Variants in PRDM6 observed in about 807,000 individuals in gnomAD.
PRDM6 encodes the protein PR/SET domain 6.
PRDM6 carries 25 observed loss-of-function variants against 60.8 expected under a neutral mutation model. The observed-to-expected ratio is 0.41, with a 90% CI of 0.30 to 0.57. The LOEUF is 0.57. PRDM6 is among the 20% of genes least tolerant of loss of function. The pLI, the probability that PRDM6 is intolerant of heterozygous loss-of-function variation, is 0.27. For synonymous variants in PRDM6, 407 were observed against 357.4 expected (o/e 1.14, Z -1.57); for missense variants, 839 against 821.3 (o/e 1.02, Z -0.26).
At chr5:123,114,445 AC>A (rs1273909747) in intron 3 of PRDM6, among the ~76,000 whole-genome samples, 1 of 152,174 alleles carries the variant, frequency 6.6e-6, no homozygotes, top group Non-Finnish European at 1.5e-5. Context: ...CCAGGTCTTC[AC>A]CACCCTTTCC....
intron 2 of PRDM6, among the ~76,000 whole-genome samples, chr5:123,094,557 A>G (rs1295780085): frequency 6.6e-6 from 1 of 152,104 alleles, no homozygotes; most frequent in Non-Finnish European, 1.5e-5. Flanking sequence ...ACAGCCATAT[A>G]TTAGATTGAG....
intron 6 of PRDM6, 61 bp from the exon 7 acceptor site, chr5:123,180,086 T>C: frequency 6.9e-7 from 1 of 1,445,446 alleles, no homozygotes; most frequent in Non-Finnish European, 9.2e-7. Context: ...TGTCATATGA[T>C]TCTGACTTCC....
In PRDM6 at chr5:123,174,810, A is replaced by T. The variant is rs576258409; in HGVS notation, c.1496+3702A>T. On this transcript the variant is annotated intron_variant, in intron 6 of 7. Transcript: ENST00000407847. ...AATCTGTCTGACCTGGCAAAGTAGA[A>T]ATCAGCACTAAAGACAAAAAACACA... is the stretch of plus-strand genomic sequence containing the variant. Among the ~76,000 whole-genome samples, 5 of 152,330 alleles carry T rather than the reference A, an allele frequency of 3.3e-5. No homozygotes were observed. The East Asian group carries it at 9.6e-4, about 29-fold the overall frequency.
chr5:123,146,084 T>G (rs1356747553), intron 3 of PRDM6, among the ~76,000 whole-genome samples: 1 of 152,222 alleles, frequency 6.6e-6, no homozygotes, highest in Non-Finnish European at 1.5e-5. Context: ...CTTAATACTT[T>G]GTAAGTATTT....
Position 123,090,311 on chromosome 5 carries a change from G to T in PRDM6, c.297G>T (p.Ala99=), listed in dbSNP as rs564271388. 7 of 1,373,408 alleles carry T rather than the reference G, an allele frequency of 5.1e-6. No homozygotes were observed. Among genetic ancestry groups the T allele is most frequent in the Non-Finnish European group, 6.7e-6 (7 of 1,041,978 alleles). 85.1% of individuals were successfully genotyped at this position (1,373,408 alleles called of 1,614,324 possible). ...CCTCCGCCTCCTCCTGCGCTGCTGCGGCCGCTGCCGCCGCGCTGGCTGGTC... is the reference window on the plus strand; with the variant it reads ...CCTCCGCCTCCTCCTGCGCTGCTGCTGCCGCTGCCGCCGCGCTGGCTGGTC... ...SASSASSCAA[A]AAAAALAGLS... Residue 99 remains alanine (A), a synonymous_variant, in exon 2 of 8, where the codon GCG becomes GCT. Coordinates refer to ENST00000407847, the MANE Select transcript of PRDM6 (RefSeq NM_001136239.4).
At chr5:123,146,762 A>T (rs1765248996) in intron 3 of PRDM6, among the ~76,000 whole-genome samples, 1 of 152,194 alleles carries the variant, frequency 6.6e-6, no homozygotes, top group South Asian at 2.1e-4. Context: ...CCATCTCAGC[A>T]AAAGTGTATA....
chr5:123,183,401 T>C (rs140984883), intron 7 of PRDM6, among the ~76,000 whole-genome samples: 409 of 152,304 alleles, frequency 2.7e-3, no homozygotes, highest in Admixed American at 4.1e-3. Context: ...TTTGAAGGCA[T>C]ATCAAGATTA....
chr5:123,155,880 C>T lies in PRDM6; in HGVS notation c.901-4C>T, dbSNP rs192005737. 1.9e-5 allele frequency: 30 copies of T among 1,549,944 alleles called. No homozygotes were observed. The East Asian group carries it at 2.4e-4, about 13-fold the overall frequency. Reference sequence around the variant, plus strand: ...ACTACTTGACCTTCTGACCTCTTCTCCAGATATATGACCAGGATGGGACAC... The same window carrying T: ...ACTACTTGACCTTCTGACCTCTTCTTCAGATATATGACCAGGATGGGACAC... On this transcript the variant is annotated splice_region_variant and splice_polypyrimidine_tract_variant and intron_variant, in intron 3 of 7. Coordinates refer to ENST00000407847, the MANE Select transcript of PRDM6 (RefSeq NM_001136239.4).
intron 5 of PRDM6, among the ~76,000 whole-genome samples, chr5:123,160,385 G>A (rs1441740198): frequency 2.0e-5 from 3 of 152,174 alleles, no homozygotes; most frequent in Non-Finnish European, 4.4e-5. Context: ...AGGTTATTCT[G>A]ATATGCTTCA....
chr5:123,118,676 T>C (rs924267317), intron 3 of PRDM6, among the ~76,000 whole-genome samples: 3 of 152,170 alleles, frequency 2.0e-5, no homozygotes, highest in Non-Finnish European at 4.4e-5. Context: ...TTTAGGGCAC[T>C]TGAGTGTTGT....
At chr5:123,165,432 C>T (rs1208682161) in intron 5 of PRDM6, among the ~76,000 whole-genome samples, 2 of 152,234 alleles carry the variant, frequency 1.3e-5, no homozygotes, top group African/African-American at 4.8e-5. Flanking sequence ...TCTGCTGCCA[C>T]CTGACTAGTG....
rs17469907 is a variant in PRDM6 at position 123,192,726 on chromosome 5, A to G, written c.*5525A>G. The G allele has an allele frequency of 0.19, 29,627 of 152,216 alleles. 3,698 individuals are homozygous for G. Among genetic ancestry groups the G allele is most frequent in the Middle Eastern group, 0.3 (89 of 294 alleles). The allele number at this position is 152,216 out of a possible 1,614,324, so 9.4% of individuals were successfully genotyped here. On this transcript the variant is annotated 3_prime_UTR_variant, in exon 8 of 8. Transcript: ENST00000407847. ...AGAGAATAAGGTTCGAACACTATCG[A>G]CAGGTAAAAACACATCCTCAACGGG...
rs558067267 is a variant in PRDM6 at position 123,174,692 on chromosome 5, C to T, written c.1496+3584C>T. On this transcript the variant is annotated intron_variant, in intron 6 of 7. Transcript: ENST00000407847. ...TGCCTTGATATAAAGGAAAGAAATC[C>T]GTAGATCCTCAGGGATCCCAGCCTC... 4.6e-5 allele frequency among the ~76,000 whole-genome samples: 7 copies of T among 152,092 alleles called. No individual in the cohort carries two copies. The South Asian group carries it at 1.0e-3, about 23-fold the overall frequency.
intron 7 of PRDM6, 36 bp from the exon 8 acceptor site, chr5:123,187,051 C>G: frequency 6.7e-7 from 1 of 1,485,956 alleles, no homozygotes; most frequent in East Asian, 2.5e-5. Context: ...GCAGGCCCCG[C>G]TCCCTGGTCT....
In PRDM6 at chr5:123,099,845, A is replaced by G. The variant is rs139705595; in HGVS notation, c.784A>G (p.Ile262Val). The G allele has an allele frequency of 0.024, 37,561 of 1,550,440 alleles. 702 individuals are homozygous for G. Among genetic ancestry groups the G allele is most frequent in the South Asian group, 0.066 (5,578 of 83,924 alleles). The change falls in exon 3 of 8, where the codon ATC becomes GTC. Residue 262 changes from isoleucine (I) to valine (V), a missense_variant. Physicochemically the swap from Ile to Val is conservative, Grantham distance 29. Coordinates refer to ENST00000407847, the MANE Select transcript of PRDM6 (RefSeq NM_001136239.4). This position sits in a 1 kb window ranked among gnomAD's most constrained non-coding sequence, Gnocchi z 4.0. The part of the protein sequence containing the change: ...TSTVPGLAYG[I>V]CAAQRIQQGT... ...TACTGTGCCCGGCCTGGCCTACGGCATCTGCGCGGCGCAGAGGATCCAGCA... is the reference window on the plus strand; with the variant it reads ...TACTGTGCCCGGCCTGGCCTACGGCGTCTGCGCGGCGCAGAGGATCCAGCA...
At chr5:123,106,352 G>T (rs1764196855) in intron 3 of PRDM6, among the ~76,000 whole-genome samples, 1 of 152,190 alleles carries the variant, frequency 6.6e-6, no homozygotes, top group African/African-American at 2.4e-5. Context: ...AGCGCATCCA[G>T]CATCATCCAT....
At chr5:123,108,885 T>C (rs1764250414) in intron 3 of PRDM6, among the ~76,000 whole-genome samples, 1 of 152,254 alleles carries the variant, frequency 6.6e-6, no homozygotes, top group South Asian at 2.1e-4. Flanking sequence ...CAAAACATCT[T>C]GGAAATTGCA....
intron 3 of PRDM6, among the ~76,000 whole-genome samples, chr5:123,150,267 T>C (rs984641290): frequency 2.6e-5 from 4 of 152,174 alleles, no homozygotes; most frequent in South Asian, 2.1e-4. Flanking sequence ...GTCATCACAA[T>C]TGTAACTCAC....
intron 5 of PRDM6, among the ~76,000 whole-genome samples, chr5:123,162,261 T>C (rs1345848403): frequency 6.6e-6 from 1 of 152,062 alleles, no homozygotes; most frequent in Non-Finnish European, 1.5e-5. Flanking sequence ...ACAGGAGGCA[T>C]TGAGGGGTTG....
Sources: gnomAD v4.1 joint callset for allele counts (sites outside exome capture counted in the v4.1 genomes callset) on GRCh38, gnomAD v4.1.1 for gene constraint, Gnocchi (gnomAD v3.1) non-coding constraint, MANE v1.5 for transcripts, NCBI Gene and HGNC (gene_info 2026-07-23, HGNC 2026-07-21) for gene names.